The following ASAP1 variants were observed in gnomAD, a reference collection of about 807,000 sequenced individuals.
ASAP1 encodes the protein arf-GAP with SH3 domain, ANK repeat and PH domain-containing protein 1.
Under a neutral mutation model 145.2 loss-of-function variants are expected in ASAP1, and 43 were observed. The observed-to-expected ratio is 0.30, with a 90% CI of 0.23 to 0.38. The LOEUF (loss-of-function observed/expected upper bound fraction) is 0.38, where lower values mean the gene tolerates loss of function less well. Ranked by LOEUF, ASAP1 falls within the 10% of genes least tolerant of loss-of-function variation. ASAP1 has a pLI of 1.00. For missense variants in ASAP1, 1,018 were observed against 1,355.3 expected, an observed-to-expected ratio of 0.75 and a Z score of 3.91; for synonymous variants, 546 against 515.5, an observed-to-expected ratio of 1.06 and a Z score of -0.80.
intron 1 of ASAP1, among the ~76,000 whole-genome samples, chr8:130,421,549 G>A (rs1409783031): frequency 6.6e-6 from 1 of 152,188 alleles, no homozygotes; most frequent in Non-Finnish European, 1.5e-5. Context: ...AGGTTTTTAA[G>A]AAGTGGGTGT....
At chr8:130,407,392 C>T (rs1309415125) in intron 1 of ASAP1, among the ~76,000 whole-genome samples, 1 of 152,228 alleles carries the variant, frequency 6.6e-6, no homozygotes, top group Non-Finnish European at 1.5e-5. Flanking sequence ...GGCTGAGATG[C>T]AGGAAGCCCT....
At chr8:130,232,609 G>A (rs1203105797) in intron 4 of ASAP1, among the ~76,000 whole-genome samples, 5 of 151,288 alleles carry the variant, frequency 3.3e-5, no homozygotes, top group Non-Finnish European at 1.5e-5. Flanking sequence ...GGGCTTGCAT[G>A]GAGACAATTT....
chr8:130,402,041 A>G (rs1405476675), intron 1 of ASAP1, 71 bp from the exon 2 acceptor site: 4 of 1,032,324 alleles, frequency 3.9e-6, no homozygotes, highest in Non-Finnish European at 5.8e-6. Flanking sequence ...ATTGTCTCAG[A>G]CCAAGATCGG....
In ASAP1 at chr8:130,095,710, C is replaced by G. The variant is rs140991136; in HGVS notation, c.2402-3567G>C. Among the ~76,000 whole-genome samples, 214 of 151,524 alleles carry G rather than the reference C, an allele frequency of 1.4e-3. 1 individual carries two copies. The highest frequency in any genetic ancestry group is 4.7e-3 in the African/African-American group (192 of 41,264). ...CTCGGCTCACTGCAACTTCTGCCTC[C>G]CAGATTCAAGGGATTCTCCTGTCTC... On this transcript the variant is annotated intron_variant, in intron 24 of 29. Coordinates refer to ENST00000518721, the MANE Select transcript of ASAP1 (RefSeq NM_018482.4).
In ASAP1 at chr8:130,312,121, T is replaced by C. The variant is rs148500948; in HGVS notation, c.186+45896A>G. On this transcript the variant is annotated intron_variant, in intron 3 of 29. Transcript: ENST00000518721. The stretch of plus-strand genomic sequence containing the variant: ...CAAGACCCAGTCTCTCCAAAAAAAA[T>C]ACAAAAATTAGCTGGGTGTGGTGGT... Among the ~76,000 whole-genome samples the C allele has an allele frequency of 6.4e-3, 965 of 151,518 alleles. 4 individuals carry two copies. The highest frequency in any genetic ancestry group is 9.2e-3 in the Non-Finnish European group (623 of 67,838).
chr8:130,269,333 G>A (rs36004599), intron 3 of ASAP1, among the ~76,000 whole-genome samples: 25,206 of 152,182 alleles, frequency 0.17, 2,423 homozygotes, highest in African/African-American at 0.25. Context: ...CTGTGATACA[G>A]TTTCCAAGTA....
At chr8:130,439,113 T>A (rs574437770) in intron 1 of ASAP1, among the ~76,000 whole-genome samples, 1 of 152,256 alleles carries the variant, frequency 6.6e-6, no homozygotes, top group Admixed American at 6.5e-5. Context: ...TGGAAGAAGA[T>A]GCCAGAAGGG....
chr8:130,192,699 A>G (rs958623829), intron 5 of ASAP1, among the ~76,000 whole-genome samples: 1 of 152,060 alleles, frequency 6.6e-6, no homozygotes, highest in African/African-American at 2.4e-5. Context: ...ATCCCTACCC[A>G]TTTGTATATA....
At chr8:130,352,099 G>C (rs2138061542) in intron 3 of ASAP1, among the ~76,000 whole-genome samples, 1 of 152,242 alleles carries the variant, frequency 6.6e-6, no homozygotes, top group East Asian at 1.9e-4. Context: ...TTATGGGAAG[G>C]TTTGTTTGCC....
At chr8:130,309,391 A>C (rs1367400803) in intron 3 of ASAP1, among the ~76,000 whole-genome samples, 3 of 152,196 alleles carry the variant, frequency 2.0e-5, no homozygotes, top group Non-Finnish European at 4.4e-5. Flanking sequence ...ATCAGAGAAG[A>C]CTTTGGGTGC....
chr8:130,320,723 T>TAAA (rs539446297), intron 3 of ASAP1, among the ~76,000 whole-genome samples: 1 of 150,910 alleles, frequency 6.6e-6, no homozygotes, highest in Non-Finnish European at 1.5e-5. Flanking sequence ...AGTATCACAT[T>TAAA]AAAAAAAAAT....
chr8:130,072,824 T>TGCGCGCGCGC lies in ASAP1; in HGVS notation c.2701+3523_2701+3524insGCGCGCGCGC, dbSNP rs71303498. Reference sequence around the variant, plus strand: ...GTGTGTGTGTGTGTGTGTGTGTGTGTGCGCGCGGGGGGGGGCAGTTTTGGG... The same window carrying TGCGCGCGCGC: ...GTGTGTGTGTGTGTGTGTGTGTGTGTGCGCGCGCGCGCGCGCGGGGGGGGGCAGTTTTGGG... On this transcript the variant is annotated intron_variant, in intron 27 of 29. Coordinates refer to ENST00000518721, the MANE Select transcript of ASAP1 (RefSeq NM_018482.4). Among the ~76,000 whole-genome samples, 82 of 32,130 alleles carry TGCGCGCGCGC rather than the reference T, an allele frequency of 2.6e-3. 2 individuals carry two copies. The highest frequency in any genetic ancestry group is 7.3e-3 in the East Asian group (3 of 412). 21.1% of individuals were successfully genotyped at this position (32,130 alleles called of 152,430 possible).
At chr8:130,402,703 C>T (rs1828850919) in intron 1 of ASAP1, among the ~76,000 whole-genome samples, 1 of 152,138 alleles carries the variant, frequency 6.6e-6, no homozygotes, top group Admixed American at 6.5e-5. Context: ...CCATCTCCCT[C>T]ACCCCCATAT....
intron 7 of ASAP1, among the ~76,000 whole-genome samples, chr8:130,184,807 A>T (rs1403620506): frequency 6.6e-6 from 1 of 152,240 alleles, no homozygotes; most frequent in Non-Finnish European, 1.5e-5. Flanking sequence ...TGACTTCCCT[A>T]TGCTAAACAC....
intron 2 of ASAP1, among the ~76,000 whole-genome samples, chr8:130,386,177 G>A (rs1828007617): frequency 6.6e-6 from 1 of 152,216 alleles, no homozygotes; most frequent in African/African-American, 2.4e-5. Context: ...GGAGGAGAAA[G>A]CACTAGAGAG....
chr8:130,223,059 T>C (rs1405706137), intron 4 of ASAP1, among the ~76,000 whole-genome samples: 2 of 152,190 alleles, frequency 1.3e-5, no homozygotes, highest in African/African-American at 2.4e-5. Context: ...GCCCTGCTGA[T>C]TGGCCACTAA....
intron 2 of ASAP1, among the ~76,000 whole-genome samples, chr8:130,393,100 T>C (rs2138499826): frequency 6.6e-6 from 1 of 152,354 alleles, no homozygotes; most frequent in South Asian, 2.1e-4. Flanking sequence ...TTTACCCTAA[T>C]TTGTTTTTCA....
At chr8:130,100,768 A>G (rs1038515653) in intron 24 of ASAP1, among the ~76,000 whole-genome samples, 6 of 152,294 alleles carry the variant, frequency 3.9e-5, no homozygotes, top group Middle Eastern at 3.4e-3. Flanking sequence ...TAGTTTGCAG[A>G]TAGTTTCTGC....
At chr8:130,380,737 T>G (rs1343180575) in intron 2 of ASAP1, among the ~76,000 whole-genome samples, 1 of 152,132 alleles carries the variant, frequency 6.6e-6, no homozygotes, top group East Asian at 1.9e-4. Context: ...TTAATTTAAT[T>G]TTTTTAGAGA....
Sources: allele counts gnomAD v4.1 joint callset (sites outside exome capture counted in the v4.1 genomes callset), GRCh38; gene constraint gnomAD v4.1.1; transcripts MANE v1.5; gene names NCBI Gene and HGNC (gene_info 2026-07-23, HGNC 2026-07-21).